Variants in RANBP2 observed in about 807,000 individuals in gnomAD.
RANBP2 encodes RAN binding protein 2.
RANBP2 carries 57 observed loss-of-function variants against 303.6 expected under a neutral mutation model. The ratio of observed to expected loss-of-function variants is 0.19; its 90% CI spans 0.15 to 0.23. The LOEUF is 0.23. RANBP2 is among the 10% of genes least tolerant of loss of function. The pLI, the probability that RANBP2 is intolerant of heterozygous loss-of-function variation, is 1.00. For missense variants in RANBP2, 3,138 were observed against 3,780.8 expected (o/e 0.83, Z 4.46); for synonymous variants, 1,167 against 1,301.5 (o/e 0.90, Z 2.23).
chr2:109,618,449 A>G, the RANBP2 span: 2 of 167,216 alleles, frequency 1.2e-5, no homozygotes, highest in Admixed American at 6.5e-5. Context: ...GTCATTTACC[A>G]TGGTTTTCCC....
At chr2:108,830,720 G>C in the RANBP2 span, among the ~76,000 whole-genome samples, 1 of 151,976 alleles carries the variant, frequency 6.6e-6, no homozygotes, top group Non-Finnish European at 1.5e-5. Flanking sequence ...AGGCAAGAGA[G>C]TCGCTTGAAC....
the RANBP2 span, among the ~76,000 whole-genome samples, chr2:108,932,526 C>T: frequency 1.2e-5 from 1 of 86,876 alleles, no homozygotes; most frequent in Non-Finnish European, 2.0e-5. Context: ...GAGACTCTGT[C>T]TCAAAAAAAA....
chr2:109,401,948 G>A, the RANBP2 span, among the ~76,000 whole-genome samples: 3,537 of 152,310 alleles, frequency 0.023, 149 homozygotes, highest in African/African-American at 0.081. Context: ...CCAGCAGTTC[G>A]ACTTGAAGCG....
At chr2:108,953,657 C>G in the RANBP2 span, among the ~76,000 whole-genome samples, 49,746 of 151,868 alleles carry the variant, frequency 0.33, 12,974 homozygotes, top group East Asian at 0.95. Context: ...TAATTTGGTG[C>G]TGTCATTGTC....
At chr2:108,917,857 C>T in the RANBP2 span, among the ~76,000 whole-genome samples, 1 of 152,132 alleles carries the variant, frequency 6.6e-6, no homozygotes, top group African/African-American at 2.4e-5. Flanking sequence ...CTAATGAAGG[C>T]ACCTGCAGAG....
the RANBP2 span, among the ~76,000 whole-genome samples, chr2:109,239,825 A>G: frequency 6.6e-6 from 1 of 152,158 alleles, no homozygotes; most frequent in Non-Finnish European, 1.5e-5. Context: ...TTTCATCCCC[A>G]CAGCTCACAG....
chr2:108,784,510 T>G lies in RANBP2; in HGVS notation c.*609T>G, dbSNP rs1678469767. 1.3e-5 allele frequency: 2 copies of G among 152,664 alleles called. No homozygotes were observed. The highest frequency in any genetic ancestry group is 3.8e-4 in the East Asian group (2 of 5,200). The allele number at this position is 152,664 out of a possible 1,614,324, so 9.5% of individuals were successfully genotyped here. ...TAAAATATCTAGCTTCCTGTGCCCT[T>G]TCATAGATATTCGATTAATTTTTAC... On this transcript the variant is annotated 3_prime_UTR_variant, in exon 29 of 29. Coordinates refer to ENST00000283195, the MANE Select transcript of RANBP2 (RefSeq NM_006267.5).
the RANBP2 span, among the ~76,000 whole-genome samples, chr2:109,057,437 G>C: frequency 1.6e-4 from 24 of 152,190 alleles, 1 homozygote; most frequent in Non-Finnish European, 2.8e-4. Context: ...TTTACGGCAG[G>C]TAGGATTATT....
chr2:109,089,940 C>T, the RANBP2 span, among the ~76,000 whole-genome samples: 1 of 152,090 alleles, frequency 6.6e-6, no homozygotes, highest in East Asian at 1.9e-4. Context: ...TGCTGCTAGA[C>T]CAAGGGCTCC....
the RANBP2 span, among the ~76,000 whole-genome samples, chr2:109,340,055 A>C: frequency 6.6e-6 from 1 of 152,242 alleles, no homozygotes; most frequent in East Asian, 1.9e-4. Flanking sequence ...ATTTCACAGG[A>C]GTCCTGTGAG....
At chr2:109,127,400 C>T in the RANBP2 span, 1 of 152,178 alleles carries the variant, frequency 6.6e-6, no homozygotes, top group Non-Finnish European at 1.5e-5. Context: ...AAGGATATTA[C>T]AGTAGAAAAG....
At chr2:109,016,423 C>G in the RANBP2 span, among the ~76,000 whole-genome samples, 1 of 152,178 alleles carries the variant, frequency 6.6e-6, no homozygotes, top group Non-Finnish European at 1.5e-5. Flanking sequence ...TTCCCCCTTT[C>G]CTTCCCATGA....
the RANBP2 span, chr2:108,794,419 C>T: frequency 1.1e-6 from 1 of 934,024 alleles, no homozygotes; most frequent in African/African-American, 1.7e-5. Context: ...TTCTTTGTCT[C>T]TCTTGAAACT....
the RANBP2 span, among the ~76,000 whole-genome samples, chr2:109,343,763 G>C: frequency 6.9e-6 from 1 of 145,690 alleles, no homozygotes; most frequent in Non-Finnish European, 1.5e-5. Flanking sequence ...TTTTTTCTTA[G>C]ACACAGGTTC....
At chr2:109,589,586 C>T in the RANBP2 span, among the ~76,000 whole-genome samples, 3 of 151,842 alleles carry the variant, frequency 2.0e-5, no homozygotes, top group Admixed American at 2.0e-4. Flanking sequence ...TCCAATAAAA[C>T]AGCTAAAATT....
chr2:109,673,671 C>G, the RANBP2 span, among the ~76,000 whole-genome samples: 5 of 151,950 alleles, frequency 3.3e-5, no homozygotes, highest in Non-Finnish European at 7.4e-5. Flanking sequence ...CGAGACGAGC[C>G]TGGCCAACAT....
chr2:108,747,647 G>C (rs1458586218), intron 8 of RANBP2, among the ~76,000 whole-genome samples: 1 of 152,066 alleles, frequency 6.6e-6, no homozygotes, highest in African/African-American at 2.4e-5. Context: ...GTCACAGTTA[G>C]ATAAAAATTG....
chr2:109,234,770 A>G, the RANBP2 span, among the ~76,000 whole-genome samples: 8 of 152,332 alleles, frequency 5.3e-5, no homozygotes, highest in Middle Eastern at 3.4e-3. Flanking sequence ...ATTTGCTGAA[A>G]CAAATTACAT....
the RANBP2 span, among the ~76,000 whole-genome samples, chr2:109,560,352 C>T: frequency 6.6e-6 from 1 of 152,170 alleles, no homozygotes; most frequent in Non-Finnish European, 1.5e-5. Flanking sequence ...CTCCCTCTCT[C>T]TTGATCCCCT....
Sources: allele counts gnomAD v4.1 joint callset (sites outside exome capture counted in the v4.1 genomes callset), GRCh38; gene constraint gnomAD v4.1.1; transcripts MANE v1.5; gene names NCBI Gene and HGNC (gene_info 2026-07-23, HGNC 2026-07-21).